MAST2: variants seen among roughly 807,000 people sequenced by gnomAD.
MAST2 encodes the protein microtubule-associated serine/threonine-protein kinase 2.
A neutral mutation model predicts 147.4 loss-of-function variants in MAST2; 70 were observed. The ratio of observed to expected loss-of-function variants is 0.47; its 90% CI spans 0.39 to 0.58. The LOEUF (loss-of-function observed/expected upper bound fraction) is 0.58. MAST2 is among the 20% of genes least tolerant of loss of function. MAST2 has a pLI of 0.00. For missense variants in MAST2, 2,080 were observed against 2,302.3 expected, an observed-to-expected ratio of 0.90 and a Z score of 1.98; for synonymous variants, 869 against 896.8, an observed-to-expected ratio of 0.97 and a Z score of 0.55.
chr1:45,976,122 G>A (rs1644144819), intron 5 of MAST2, among the ~76,000 whole-genome samples: 1 of 151,930 alleles, frequency 6.6e-6, no homozygotes, highest in South Asian at 2.1e-4. Context: ...CTGCAGGTGT[G>A]CACCACCACA....
rs141794787 is a variant in MAST2 at position 45,825,617 on chromosome 1, G to A, written c.325+1037G>A. On this transcript the variant is annotated intron_variant, in intron 2 of 28. Transcript: ENST00000361297. The stretch of plus-strand genomic sequence containing the variant: ...CTGGCTAATTTTTTTATTTTTGGTA[G>A]AGACAGGGTTTCACCATGTTGGCCA... 1.7e-3 allele frequency among the ~76,000 whole-genome samples: 260 copies of A among 150,734 alleles called. 8 individuals carry two copies. In the East Asian group the frequency reaches 0.04, roughly 23 times the overall value.
At chr1:45,812,247 C>T (rs188604459) in intron 1 of MAST2, among the ~76,000 whole-genome samples, 35 of 152,096 alleles carry the variant, frequency 2.3e-4, no homozygotes, top group African/African-American at 8.0e-4. Flanking sequence ...AGGGCTAGCT[C>T]CTAAAAAGGT....
chr1:45,989,543 A>G (rs998840227), intron 5 of MAST2, among the ~76,000 whole-genome samples: 3 of 151,888 alleles, frequency 2.0e-5, no homozygotes, highest in Non-Finnish European at 4.4e-5. Flanking sequence ...GGATCCTCTG[A>G]TCTCATAAGT....
intron 1 of MAST2, among the ~76,000 whole-genome samples, chr1:45,807,917 GC>G (rs1358919881): frequency 6.6e-6 from 1 of 152,094 alleles, no homozygotes; most frequent in Non-Finnish European, 1.5e-5. Context: ...TTTTAAAAAG[GC>G]CAAAATTTTC....
At chr1:45,875,199 A>G (rs1377274078) in intron 3 of MAST2, among the ~76,000 whole-genome samples, 2 of 152,170 alleles carry the variant, frequency 1.3e-5, no homozygotes, top group Non-Finnish European at 1.5e-5. Context: ...TAATCCCAGC[A>G]CTTTGGGCGA....
intron 3 of MAST2, among the ~76,000 whole-genome samples, chr1:45,843,409 T>C (rs1237976065): frequency 1.3e-5 from 2 of 152,224 alleles, no homozygotes; most frequent in African/African-American, 4.8e-5. Context: ...TTACTTCTTA[T>C]ATTTACTTCA....
chr1:45,935,701 T>C (rs966616427), intron 4 of MAST2, among the ~76,000 whole-genome samples: 1 of 152,218 alleles, frequency 6.6e-6, no homozygotes. Flanking sequence ...AGGTTGTAGA[T>C]GTGTGGCTTT....
intron 26 of MAST2, among the ~76,000 whole-genome samples, chr1:46,033,344 CAGG>C (rs1362535005): frequency 1.3e-5 from 2 of 150,360 alleles, no homozygotes; most frequent in African/African-American, 4.9e-5. Flanking sequence ...GAGGCTGAGG[CAGG>C]AGAAGTGCTT....
At chr1:45,999,533 G>C (rs1645189521) in intron 6 of MAST2, among the ~76,000 whole-genome samples, 1 of 152,142 alleles carries the variant, frequency 6.6e-6, no homozygotes. Context: ...CCACCAACTA[G>C]AGTCAGGCGC....
chr1:45,864,328 G>A (rs1416416423), intron 3 of MAST2, among the ~76,000 whole-genome samples: 10 of 152,152 alleles, frequency 6.6e-5, no homozygotes, highest in Non-Finnish European at 1.2e-4. Context: ...CTCACAACAC[G>A]TGGACTAGCC....
intron 3 of MAST2, among the ~76,000 whole-genome samples, chr1:45,860,474 G>T (rs923613678): frequency 1.3e-5 from 2 of 151,806 alleles, no homozygotes; most frequent in Non-Finnish European, 2.9e-5. Flanking sequence ...TCCCTTCCTG[G>T]CTGCTGTTTA....
chr1:46,035,407 C>T lies in MAST2; in HGVS notation c.4738C>T (p.His1580Tyr), dbSNP rs748016455. The change falls in exon 29 of 29, where the codon CAC (histidine) becomes TAC (tyrosine). Residue 1580 changes from histidine (H) to tyrosine (Y), a missense_variant. Around this residue, in one of 4 missense-constraint regions of MAST2, gnomAD observed 1,278 missense variants for 1,304.2 expected, o/e 0.98. Transcript: ENST00000361297. The surrounding 1 kb of genome is among the most constrained non-coding windows in gnomAD (Gnocchi z 5.5). ...CAGAATGGAAAGTCCCAGTGGTCCC[C>T]ACAGGAGGCTCGGGAGCCCACAAGC... Reference protein sequence around the residue: ...PPRMESPSGPHRRLGSPQAIE... With the variant: ...PPRMESPSGPYRRLGSPQAIE... 3 of 1,612,474 alleles carry T rather than the reference C, an allele frequency of 1.9e-6. No individual in the cohort carries two copies. The South Asian group carries it at 3.3e-5, about 18-fold the overall frequency.
At position 46,012,075 on chromosome 1, in the gene MAST2, A is replaced by G. The variant is rs139575399; in HGVS notation, c.1188+1136A>G. Among the ~76,000 whole-genome samples the G allele has an allele frequency of 8.4e-4, 128 of 152,372 alleles. 1 individual carries two copies. Among genetic ancestry groups the G allele is most frequent in the African/African-American group, 2.8e-3 (117 of 41,592 alleles). Reference sequence around the variant, plus strand: ...AGAAATACTTAAAATAAAACATTGTAGAAGTATAACTTTAGAAAGCCAGAG... The same window carrying G: ...AGAAATACTTAAAATAAAACATTGTGGAAGTATAACTTTAGAAAGCCAGAG... On this transcript the variant is annotated intron_variant, in intron 10 of 28. Coordinates refer to ENST00000361297, the MANE Select transcript of MAST2 (RefSeq NM_015112.3).
rs1393455230 is a variant in MAST2 at position 46,008,158 on chromosome 1, C to G, written c.903-138C>G. On this transcript the variant is annotated intron_variant, in intron 8 of 28. Transcript: ENST00000361297. ...GGAAACTCCAGGAATAAGAAAGGCT[C>G]TAGAACTCAGTACCCGTTAAAGTGG... 31 of 640,516 alleles carry G rather than the reference C, an allele frequency of 4.8e-5. 1 individual carries two copies. In the Admixed American group the frequency reaches 7.1e-4, roughly 15 times the overall value. The allele number at this position is 640,516 out of a possible 1,614,324, so 39.7% of individuals were successfully genotyped here. A position where few individuals can be genotyped will look rare whatever the true frequency, so the allele number is the denominator to read the frequency against.
At chr1:45,877,219 A>T (rs1046868237) in intron 3 of MAST2, among the ~76,000 whole-genome samples, 90 of 152,206 alleles carry the variant, frequency 5.9e-4, no homozygotes, top group African/African-American at 2.1e-3. Flanking sequence ...ATGGAAAGGC[A>T]AAAAGGGCTG....
intron 16 of MAST2, among the ~76,000 whole-genome samples, chr1:46,026,447 T>C (rs1236404069): frequency 6.6e-6 from 1 of 152,096 alleles, no homozygotes; most frequent in Non-Finnish European, 1.5e-5. Flanking sequence ...CCTTTTGTTA[T>C]ATTTGGGTTT....
intron 4 of MAST2, among the ~76,000 whole-genome samples, chr1:45,941,557 C>A (rs991266832): frequency 6.6e-6 from 1 of 152,120 alleles, no homozygotes; most frequent in Non-Finnish European, 1.5e-5. Context: ...CGTGCCTGGC[C>A]GTTTTAATAG....
intron 4 of MAST2, among the ~76,000 whole-genome samples, chr1:45,936,030 G>A (rs900211482): frequency 1.2e-4 from 18 of 152,166 alleles, no homozygotes; most frequent in Admixed American, 5.9e-4. Context: ...CTGTGAGCAT[G>A]GCATAGTTTC....
chr1:45,952,963 A>G (rs1309374049), intron 4 of MAST2, among the ~76,000 whole-genome samples: 2 of 152,244 alleles, frequency 1.3e-5, no homozygotes, highest in African/African-American at 2.4e-5. Flanking sequence ...ATTGTATAAA[A>G]TAATAATTAC....
Sources: allele counts gnomAD v4.1 joint callset (sites outside exome capture counted in the v4.1 genomes callset), GRCh38; gene constraint gnomAD v4.1.1; regional missense constraint gnomAD v4.1.1; non-coding constraint Gnocchi (gnomAD v3.1); transcripts MANE v1.5; gene names NCBI Gene and HGNC (gene_info 2026-07-23, HGNC 2026-07-21).